The following FLT4 variants were observed in gnomAD, a reference collection of about 807,000 sequenced individuals.
FLT4 encodes vascular endothelial growth factor receptor 3.
Under a neutral mutation model 163.2 loss-of-function variants are expected in FLT4, and 30 were observed. The observed-to-expected ratio is 0.18, with a 90% CI of 0.14 to 0.25. The LOEUF is 0.25. Ranked by LOEUF, FLT4 falls within the 10% of genes least tolerant of loss-of-function variation. The pLI is 1.00. For synonymous variants in FLT4, 884 were observed against 789.5 expected (o/e 1.12, Z -2.01); for missense variants, 1,510 against 1,863.8 (o/e 0.81, Z 3.50).
intron 7 of FLT4, 88 bp from the exon 8 acceptor site, chr5:180,629,087 C>G (rs1763879166): frequency 1.4e-6 from 2 of 1,455,520 alleles, no homozygotes; most frequent in Admixed American, 3.3e-5. Context: ...GCAGCCCCGG[C>G]AGCCGGACAT....
rs534483739 is a variant in FLT4 at position 180,622,049 on chromosome 5, A to G, written c.1658-145T>C. The G allele has an allele frequency of 1.8e-4, 164 of 894,402 alleles. No individual in the cohort carries two copies. The African/African-American group carries it at 2.4e-3, about 13-fold the overall frequency. The allele number at this position is 894,402 out of a possible 1,614,324, so 55.4% of individuals were successfully genotyped here. ...GGACTGCTTGCCCCCCGCCCCACCA[A>G]AAGCCCAGGTCATCAGGAGTTCCTT... On this transcript the variant is annotated intron_variant, in intron 12 of 29. Transcript: ENST00000261937.
chr5:180,606,394 T>G (rs928148258), intron 29 of FLT4, among the ~76,000 whole-genome samples: 7 of 152,182 alleles, frequency 4.6e-5, no homozygotes, highest in Non-Finnish European at 1.0e-4. Context: ...CCTGGGTCTG[T>G]GTTGCCACAT....
intron 21 of FLT4, among the ~76,000 whole-genome samples, chr5:180,617,206 C>G (rs1762758682): frequency 2.4e-5 from 1 of 40,956 alleles, no homozygotes; most frequent in African/African-American, 8.5e-5. Context: ...CCCTCAGCCT[C>G]TGGGACACCC....
intron 1 of FLT4, among the ~76,000 whole-genome samples, chr5:180,644,802 A>C (rs935454190): frequency 6.6e-6 from 1 of 152,254 alleles, no homozygotes; most frequent in African/African-American, 2.4e-5. Flanking sequence ...ATTTGGTAGA[A>C]TTTAGAGTAG....
rs369284915 is a variant in FLT4 at position 180,611,335 on chromosome 5, C to T, written c.3682G>A (p.Ala1228Thr). ...TGGACCTGCAGGACAGCTGACCTGGCGGCCAGGCTGTGGCGCTGCAGGCTT... is the reference window on the plus strand; with the variant it reads ...TGGACCTGCAGGACAGCTGACCTGGTGGCCAGGCTGTGGCGCTGCAGGCTT... ...PPSLQRHSLAARYYNWVSFPG... is the reference protein window; with the variant it reads ...PPSLQRHSLATRYYNWVSFPG... Residue 1228 changes from alanine (A) to threonine (T), a missense_variant, in exon 27 of 30, where the codon GCC becomes ACC. By Grantham distance (58) the Ala-to-Thr change is moderately conservative. Coordinates refer to ENST00000261937, the MANE Select transcript of FLT4 (RefSeq NM_182925.5). 16 of 1,613,814 alleles carry T rather than the reference C, an allele frequency of 9.9e-6. No individual in the cohort carries two copies. Among genetic ancestry groups the T allele is most frequent in the East Asian group, 4.5e-5 (2 of 44,868 alleles).
At position 180,636,932 on chromosome 5, in the gene FLT4, C is replaced by T. The variant is rs976261353; in HGVS notation, c.59-5154G>A. 6.6e-5 allele frequency among the ~76,000 whole-genome samples: 10 copies of T among 152,058 alleles called. No individual in the cohort carries two copies. The highest frequency in any genetic ancestry group is 2.1e-4 in the South Asian group (1 of 4,828). ...CCCAACCCTGAGACAGCATGCATTC[C>T]AAACAGCACAACACTGGCAGCACAA... On this transcript the variant is annotated intron_variant, in intron 1 of 29. Transcript: ENST00000261937. This position sits in a 1 kb window ranked among gnomAD's most constrained non-coding sequence, Gnocchi z 4.3.
chr5:180,608,942 G>C, intron 29 of FLT4, 26 bp downstream of exon 29: 1 of 1,583,024 alleles, frequency 6.3e-7, no homozygotes, highest in Non-Finnish European at 8.7e-7. Context: ...GATACCTGCA[G>C]TGCAGGAGGC....
chr5:180,604,455 C>T lies in FLT4; in HGVS notation c.3894-1065G>A, dbSNP rs1013521531. ...CCTTGCCGGCTCTGTGACATCCTCCCGCGGACTGCTGTGTGCTTCCACCCT... is the reference window on the plus strand; with the variant it reads ...CCTTGCCGGCTCTGTGACATCCTCCTGCGGACTGCTGTGTGCTTCCACCCT... On this transcript the variant is annotated intron_variant, in intron 29 of 29. Transcript: ENST00000261937. Among the ~76,000 whole-genome samples, 6 of 152,208 alleles carry T rather than the reference C, an allele frequency of 3.9e-5. 1 individual carries two copies. Among genetic ancestry groups the T allele is most frequent in the Middle Eastern group, 6.3e-3 (2 of 316 alleles).
In FLT4 at chr5:180,620,537, C is replaced by G; in HGVS notation, c.2406+72G>C. 1.5e-6 allele frequency: 2 copies of G among 1,336,036 alleles called. No individual in the cohort carries two copies. Among genetic ancestry groups the G allele is most frequent in the Non-Finnish European group, 1.1e-6 (1 of 935,396 alleles). The allele number at this position is 1,336,036 out of a possible 1,614,324, so 82.8% of individuals were successfully genotyped here. ...GGTGAACTAGGGCGGGCACCTTATTCTTTATCTTAGGGGCGGCCAGGGTGG... is the reference window on the plus strand; with the variant it reads ...GGTGAACTAGGGCGGGCACCTTATTGTTTATCTTAGGGGCGGCCAGGGTGG... On this transcript the variant is annotated intron_variant, in intron 16 of 29. Transcript: ENST00000261937. This position sits in a 1 kb window ranked among gnomAD's most constrained non-coding sequence, Gnocchi z 4.4.
At position 180,626,146 on chromosome 5, in the gene FLT4, A is replaced by G. The variant is rs1004072797; in HGVS notation, c.1223T>C (p.Leu408Pro). 2.5e-6 allele frequency: 4 copies of G among 1,612,842 alleles called. No homozygotes were observed. Among genetic ancestry groups the G allele is most frequent in the Non-Finnish European group, 3.4e-6 (4 of 1,180,000 alleles). ...TLALWNSAAG[L>P]RRNISLELVV... ...CAGCTCCAGGCTGATGTTGCGCCTC[A>G]GGCCAGCAGCGGAGTTCCACAGGGC... Residue 408 changes from leucine to proline, a missense_variant, in exon 9 of 30, where the codon CTG becomes CCG. Around this residue, in one of 5 missense-constraint regions of FLT4, gnomAD observed 878 missense variants for 1,016.7 expected, o/e 0.86. Coordinates refer to ENST00000261937, the MANE Select transcript of FLT4 (RefSeq NM_182925.5).
At chr5:180,621,477 G>A (rs1763140910) in intron 13 of FLT4, 65 bp downstream of exon 13, 4 of 1,586,836 alleles carry the variant, frequency 2.5e-6, no homozygotes, top group East Asian at 2.2e-5. Context: ...CCACGCCGGG[G>A]CAAAGGCAGA....
rs1761535984 is a variant in FLT4, at chr5:180,601,888, T to C, written c.*1304A>G. On this transcript the variant is annotated 3_prime_UTR_variant, in exon 30 of 30. Coordinates refer to ENST00000261937, the MANE Select transcript of FLT4 (RefSeq NM_182925.5). ...CCTGCCCGCTGCGCGGCGCCTGTCC[T>C]GCAAGCGTCTGGTGCGTGGGTTTGG... 8.6e-6 allele frequency: 2 copies of C among 233,534 alleles called. No individual in the cohort carries two copies. Among genetic ancestry groups the C allele is most frequent in the East Asian group, 1.2e-4 (2 of 16,592 alleles). The allele number at this position is 233,534 out of a possible 1,614,324, so 14.5% of individuals were successfully genotyped here.
In FLT4 at chr5:180,609,840, T is replaced by C. The variant is rs1390816185; in HGVS notation, c.3807+65A>G. On this transcript the variant is annotated intron_variant, in intron 28 of 29. Coordinates refer to ENST00000261937, the MANE Select transcript of FLT4 (RefSeq NM_182925.5). Reference sequence around the variant, plus strand: ...CATTTGCCTTACGAATTCCTGACGCTGCCTCCCCTGAGGCGGCCCCAGCCC... The same window carrying C: ...CATTTGCCTTACGAATTCCTGACGCCGCCTCCCCTGAGGCGGCCCCAGCCC... The C allele has an allele frequency of 4.4e-6, 7 of 1,593,418 alleles. No homozygotes were observed. The East Asian group carries it at 1.6e-4, about 36-fold the overall frequency.
At chr5:180,621,045 T>C (rs757419038) in intron 14 of FLT4, 38 bp from the exon 15 acceptor site, 1 of 1,611,722 alleles carries the variant, frequency 6.2e-7, no homozygotes, top group Admixed American at 1.7e-5. Context: ...TCCACCTGGG[T>C]TTGGGATCGT....
Position 180,630,185 on chromosome 5 carries a change from GA to G in FLT4, c.513+39del. 1.3e-6 allele frequency: 1 copy of G among 798,986 alleles called. No individual in the cohort carries two copies. The highest frequency in any genetic ancestry group is 2.0e-6 in the Non-Finnish European group (1 of 497,354). The allele number at this position is 798,986 out of a possible 1,614,324, so 49.5% of individuals were successfully genotyped here. ...AGGCGGCCGCCTTTCCCAGGGGTGGGATGGGAGGGTCGGATGCTGGGGTTGG... is the reference window on the plus strand; with the variant it reads ...AGGCGGCCGCCTTTCCCAGGGGTGGGTGGGAGGGTCGGATGCTGGGGTTGG... On this transcript the variant is annotated intron_variant, in intron 4 of 29. Coordinates refer to ENST00000261937, the MANE Select transcript of FLT4 (RefSeq NM_182925.5). The surrounding 1 kb of genome is among the most constrained non-coding windows in gnomAD (Gnocchi z 6.3).
In FLT4 at chr5:180,626,022, T is replaced by C. The variant is rs1763576207; in HGVS notation, c.1268A>G (p.Gln423Arg). The part of the protein sequence containing the change: ...SLELVVNVPP[Q>R]IHEKEASSPS... Reference sequence around the variant, plus strand: ...GGAGGAGGCCTCCTTCTCATGTATCTGGGGGGGCACTGTGGGCACACAGAT... The same window carrying C: ...GGAGGAGGCCTCCTTCTCATGTATCCGGGGGGGCACTGTGGGCACACAGAT... Residue 423 changes from glutamine (Q) to arginine (R), a missense_variant, in exon 10 of 30, where the codon CAG becomes CGG. Physicochemically the swap from Gln to Arg is conservative, Grantham distance 43. This residue lies in a region of FLT4 where 878 missense variants were observed against 1,016.7 expected (regional missense o/e 0.86). Transcript: ENST00000261937. 1 of 1,612,440 alleles carries C rather than the reference T, an allele frequency of 6.2e-7. No homozygotes were observed. Among genetic ancestry groups the C allele is most frequent in the Non-Finnish European group, 8.5e-7 (1 of 1,179,928 alleles).
chr5:180,613,245 G>A (rs977930221), intron 24 of FLT4, 135 bp from the exon 25 acceptor site: 5 of 622,704 alleles, frequency 8.0e-6, no homozygotes, highest in Non-Finnish European at 1.4e-5. Flanking sequence ...GTGGGGTGGA[G>A]ATGGCTCACC....
At chr5:180,649,418 C>T in intron 1 of FLT4, 70 bp downstream of exon 1, 1 of 1,224,960 alleles carries the variant, frequency 8.2e-7, no homozygotes, top group East Asian at 3.3e-5. Flanking sequence ...TCAGCGCCCG[C>T]CCCAGGTGCG....
chr5:180,619,430 G>T lies in FLT4; in HGVS notation c.2648-64C>A, dbSNP rs768665778. 3 of 1,079,120 alleles carry T rather than the reference G, an allele frequency of 2.8e-6. No homozygotes were observed. The South Asian group carries it at 3.8e-5, about 14-fold the overall frequency. The allele number at this position is 1,079,120 out of a possible 1,614,324, so 66.8% of individuals were successfully genotyped here. On this transcript the variant is annotated intron_variant, in intron 18 of 29. Coordinates refer to ENST00000261937, the MANE Select transcript of FLT4 (RefSeq NM_182925.5). ...GCAGGTCCCCGTTCCCCGCCACCCG[G>T]CGCTTTTGGGAGGGGGAGGGTTACT...
Sources: gnomAD v4.1 joint callset for allele counts (sites outside exome capture counted in the v4.1 genomes callset) on GRCh38, gnomAD v4.1.1 for gene constraint, gnomAD v4.1.1 regional missense constraint, Gnocchi (gnomAD v3.1) non-coding constraint, MANE v1.5 for transcripts, NCBI Gene and HGNC (gene_info 2026-07-23, HGNC 2026-07-21) for gene names.